Variants in SETD1A observed in about 807,000 individuals in gnomAD.
SETD1A encodes histone-lysine N-methyltransferase SETD1A.
Under a neutral mutation model 149.9 loss-of-function variants are expected in SETD1A, and 29 were observed. That is an observed-to-expected ratio of 0.19 (90% CI 0.14 to 0.26). The LOEUF (loss-of-function observed/expected upper bound fraction) is 0.26. SETD1A is among the 10% of genes least tolerant of loss of function. The pLI is 1.00. For synonymous variants in SETD1A, 1,141 were observed against 968.5 expected, an observed-to-expected ratio of 1.18 and a Z score of -3.31; for missense variants, 2,109 against 2,353.1, an observed-to-expected ratio of 0.90 and a Z score of 2.15.
intron 13 of SETD1A, among the ~76,000 whole-genome samples, chr16:30,976,537 G>A (rs1421360229): frequency 2.6e-5 from 4 of 152,130 alleles, no homozygotes; most frequent in Non-Finnish European, 5.9e-5. Context: ...TACGGGCCCT[G>A]GGGTCTGGGC....
intron 13 of SETD1A, among the ~76,000 whole-genome samples, chr16:30,974,844 TAA>T (rs1384883444): frequency 6.6e-6 from 1 of 151,760 alleles, no homozygotes; most frequent in Admixed American, 6.6e-5. Context: ...CCATCTTAAC[TAA>T]AAATACAAAA....
intron 10 of SETD1A, 122 bp downstream of exon 10, chr16:30,967,710 A>T (rs771259355): frequency 1.1e-4 from 81 of 762,728 alleles, no homozygotes; most frequent in Non-Finnish European, 1.7e-4. Flanking sequence ...TGCAGGGTTG[A>T]AATGCAGCAG....
chr16:30,960,100 C>G (rs567940355), intron 3 of SETD1A, among the ~76,000 whole-genome samples: 1 of 152,082 alleles, frequency 6.6e-6, no homozygotes, highest in African/African-American at 2.4e-5. Flanking sequence ...TATTCTTCAT[C>G]TTTCTATTCT....
rs201675392 is a variant in SETD1A, at chr16:30,969,680, G to A, written c.3007G>A (p.Val1003Met). Reference sequence around the variant, plus strand: ...GGATACCACAAAGAAGGAGACAGAGGTGTCGGATGGTGAGCACAAGACAGT... The same window carrying A: ...GGATACCACAAAGAAGGAGACAGAGATGTCGGATGGTGAGCACAAGACAGT... ...AVDTTKKETEVSDGEDEESDS... is the reference protein window; with the variant it reads ...AVDTTKKETEMSDGEDEESDS... Residue 1003 changes from valine (V) to methionine (M), a missense_variant, in exon 12 of 19, where the codon GTG becomes ATG. Val to Met is a conservative substitution (Grantham distance 21). This residue lies in a region of SETD1A where 832 missense variants were observed against 815.6 expected (regional missense o/e 1.02). Transcript: ENST00000262519. 15 of 1,613,632 alleles carry A rather than the reference G, an allele frequency of 9.3e-6. No homozygotes were observed. The East Asian group carries it at 2.0e-4, about 22-fold the overall frequency.
intron 13 of SETD1A, among the ~76,000 whole-genome samples, chr16:30,973,550 G>A (rs1267111813): frequency 6.6e-6 from 1 of 152,144 alleles, no homozygotes; most frequent in African/African-American, 2.4e-5. Flanking sequence ...AGCTACTTGG[G>A]AGATCGAGGC....
chr16:30,965,348 C>T lies in SETD1A; in HGVS notation c.1606C>T (p.His536Tyr), dbSNP rs932655804. The T allele has an allele frequency of 4.3e-6, 7 of 1,614,010 alleles. No homozygotes were observed. Among genetic ancestry groups the T allele is most frequent in the African/African-American group, 1.3e-5 (1 of 74,948 alleles). ...TGSEVPSGSG[H>Y]GPCTPPPAPA... Reference sequence around the variant, plus strand: ...GAGTGAGGTGCCTTCTGGGTCAGGGCATGGGCCCTGCACACCCCCTCCGGC... The same window carrying T: ...GAGTGAGGTGCCTTCTGGGTCAGGGTATGGGCCCTGCACACCCCCTCCGGC... The change falls in exon 7 of 19, where the codon CAT becomes TAT. Residue 536 changes from histidine to tyrosine, a missense_variant. Transcript: ENST00000262519.
rs1444352257 is a variant in SETD1A, at chr16:30,971,389, G to A, written c.3028G>A (p.Glu1010Lys). The change falls in exon 13 of 19, where the codon GAA becomes AAA. Residue 1010 changes from glutamate (E) to lysine (K), a missense_variant. By Grantham distance (56) the Glu-to-Lys change is moderately conservative. Transcript: ENST00000262519. ...ETEVSDGEDE[E>K]SDSSSKCSLY... ...TTCTGGATTTCCAGGCGAGGACGAG[G>A]AAAGCGATTCGTCTTCCAAATGTTC... is the stretch of plus-strand genomic sequence containing the variant. 6.3e-7 allele frequency: 1 copy of A among 1,580,782 alleles called. No homozygotes were observed. The highest frequency in any genetic ancestry group is 1.3e-5 in the African/African-American group (1 of 74,416).
rs2056426060 is a variant in SETD1A, at chr16:30,984,349, G to A, written c.*326G>A. ...TCCTGGGGGGCTACACAGTCCTCTTGCTTTGTGTTAATGGGGACTTCCCCT... is the reference window on the plus strand; with the variant it reads ...TCCTGGGGGGCTACACAGTCCTCTTACTTTGTGTTAATGGGGACTTCCCCT... On this transcript the variant is annotated 3_prime_UTR_variant, in exon 19 of 19. Transcript: ENST00000262519. 6 of 284,754 alleles carry A rather than the reference G, an allele frequency of 2.1e-5. No homozygotes were observed. The highest frequency in any genetic ancestry group is 7.6e-5 in the East Asian group (1 of 13,162). The allele number at this position is 284,754 out of a possible 1,614,324, so 17.6% of individuals were successfully genotyped here.
chr16:30,972,611 C>G (rs1004606858), intron 13 of SETD1A, among the ~76,000 whole-genome samples: 6 of 150,752 alleles, frequency 4.0e-5, no homozygotes, highest in African/African-American at 1.5e-4. Context: ...TACACTCCAG[C>G]CTGGGCGACA....
In SETD1A at chr16:30,980,689, CCA is replaced by C. The variant is rs2056363762; in HGVS notation, c.4581+34_4581+35del. 1 of 1,610,674 alleles carries C rather than the reference CCA, an allele frequency of 6.2e-7. No individual in the cohort carries two copies. Among genetic ancestry groups the C allele is most frequent in the Non-Finnish European group, 8.5e-7 (1 of 1,178,944 alleles). ...CTAACCCCGCCGCCGCGTCCTCCTG[CCA>C]CTCACTTCCCTGCCCTGCTCACCTC... On this transcript the variant is annotated intron_variant, in intron 15 of 18. Coordinates refer to ENST00000262519, the MANE Select transcript of SETD1A (RefSeq NM_014712.3). This position sits in a 1 kb window ranked among gnomAD's most constrained non-coding sequence, Gnocchi z 7.7.
At position 30,966,178 on chromosome 16, in the gene SETD1A, G is replaced by A; in HGVS notation, c.2297G>A (p.Gly766Glu). 2 of 1,611,768 alleles carry A rather than the reference G, an allele frequency of 1.2e-6. No homozygotes were observed. The highest frequency in any genetic ancestry group is 1.7e-6 in the Non-Finnish European group (2 of 1,179,024). ...AEPLPSSSVS[G>E]EEARLPPREE... The stretch of plus-strand genomic sequence containing the variant: ...CCCCTGCCCTCCTCCTCAGTCTCGG[G>A]AGAGGAGGCCCGGCTGCCACCCAGG... Residue 766 changes from glycine to glutamate, a missense_variant, in exon 8 of 19, where the codon GGA becomes GAA. Transcript: ENST00000262519.
rs773277646 is a variant in SETD1A, at chr16:30,971,437, G to A, written c.3076G>A (p.Glu1026Lys). 1 of 1,612,858 alleles carries A rather than the reference G, an allele frequency of 6.2e-7. No homozygotes were observed. Among genetic ancestry groups the A allele is most frequent in the South Asian group, 1.1e-5 (1 of 91,014 alleles). Residue 1026 changes from glutamate (E) to lysine (K), a missense_variant, in exon 13 of 19, where the codon GAA becomes AAA. Around this residue, in one of 8 missense-constraint regions of SETD1A, gnomAD observed 832 missense variants for 815.6 expected, o/e 1.02. Transcript: ENST00000262519. ...KCSLYADSDG[E>K]NDSTSDSESS... is the part of the protein sequence containing the mutation. ...TTCTCTGTATGCTGACTCAGATGGCGAAAATGACAGCACATCAGACTCCGA... is the reference window on the plus strand; with the variant it reads ...TTCTCTGTATGCTGACTCAGATGGCAAAAATGACAGCACATCAGACTCCGA...
intron 6 of SETD1A, 75 bp downstream of exon 6, chr16:30,964,398 C>G: frequency 2.9e-6 from 4 of 1,389,966 alleles, no homozygotes; most frequent in East Asian, 4.7e-5. Context: ...TGCCCAGAGT[C>G]TGTCTCCAAG....
chr16:30,959,180 G>A lies in SETD1A; in HGVS notation c.240G>A (p.Lys80=). Residue 80 remains lysine, a synonymous_variant, in exon 3 of 19, where the codon AAG becomes AAA. Transcript: ENST00000262519. ...GAGACTTTTCCCTCCCAGTCCCTAA[G>A]TTTAAGGTAAGTGTCTGCTGGGCTC... is the stretch of plus-strand genomic sequence containing the variant. ...KNRDFSLPVP[K]FKLDEFYIGQ... 8 of 1,608,112 alleles carry A rather than the reference G, an allele frequency of 5.0e-6. No homozygotes were observed. Among genetic ancestry groups the A allele is most frequent in the South Asian group, 1.1e-5 (1 of 90,976 alleles).
chr16:30,980,486 C>A lies in SETD1A; in HGVS notation c.4410C>A (p.Ile1470=), dbSNP rs760749337. 6.2e-7 allele frequency: 1 copy of A among 1,612,788 alleles called. No individual in the cohort carries two copies. ...GTTCTCTTCCTTAACACCCTGCACT[C>A]ACCAACCTGACCACCCCAAAACGCA... ...LNDTHWVHHT[I]TNLTTPKRKR... is the part of the protein sequence containing the mutation. The change falls in exon 15 of 19, where the codon ATC becomes ATA. Residue 1470 remains isoleucine (I), a splice_region_variant and synonymous_variant. Coordinates refer to ENST00000262519, the MANE Select transcript of SETD1A (RefSeq NM_014712.3). The surrounding 1 kb of genome is among the most constrained non-coding windows in gnomAD (Gnocchi z 7.7).
At position 30,980,952 on chromosome 16, in the gene SETD1A, G is replaced by GT; in HGVS notation, c.4692+105dup. The GT allele has an allele frequency of 6.3e-7, 1 of 1,574,910 alleles. No homozygotes were observed. The highest frequency in any genetic ancestry group is 1.2e-5 in the South Asian group (1 of 85,986). On this transcript the variant is annotated intron_variant, in intron 16 of 18. Transcript: ENST00000262519. The surrounding 1 kb of genome is among the most constrained non-coding windows in gnomAD (Gnocchi z 7.7). Reference sequence around the variant, plus strand: ...GGCTCCTGTGGTTCCCTCGGGTGGAGTTGGGGGGTAAGCAGCCAGAACACC... The same window carrying GT: ...GGCTCCTGTGGTTCCCTCGGGTGGAGTTTGGGGGGTAAGCAGCCAGAACACC...
At chr16:30,981,580 G>A (rs2056378450) in intron 17 of SETD1A, among the ~76,000 whole-genome samples, 1 of 152,174 alleles carries the variant, frequency 6.6e-6, no homozygotes, top group African/African-American at 2.4e-5. Context: ...TCACCATGTT[G>A]GCCAGGATGG....
chr16:30,970,733 T>TC (rs1332682019), intron 12 of SETD1A, among the ~76,000 whole-genome samples: 1 of 152,056 alleles, frequency 6.6e-6, no homozygotes, highest in South Asian at 2.1e-4. Flanking sequence ...CCACAGGGTG[T>TC]CCCCCCAGGC....
At chr16:30,981,894 T>G (rs2056383068) in intron 17 of SETD1A, among the ~76,000 whole-genome samples, 1 of 152,136 alleles carries the variant, frequency 6.6e-6, no homozygotes, top group Non-Finnish European at 1.5e-5. Context: ...GAGGCTGCTG[T>G]GAGCCAAGAT....
Sources: gnomAD v4.1 joint callset for allele counts (sites outside exome capture counted in the v4.1 genomes callset) on GRCh38, gnomAD v4.1.1 for gene constraint, gnomAD v4.1.1 regional missense constraint, Gnocchi (gnomAD v3.1) non-coding constraint, MANE v1.5 for transcripts, NCBI Gene and HGNC (gene_info 2026-07-23, HGNC 2026-07-21) for gene names.